SLC26A9: variants seen among roughly 807,000 people sequenced by gnomAD.
SLC26A9 encodes the protein solute carrier family 26 member 9.
In SLC26A9, 46 loss-of-function variants were observed where a neutral mutation model predicts 87.1. That is an observed-to-expected ratio of 0.53 (90% confidence interval 0.42 to 0.67). SLC26A9 has a LOEUF of 0.67. SLC26A9 is among the 30% of genes least tolerant of loss of function. The pLI is 0.00. For missense variants in SLC26A9, 927 were observed against 1,018.3 expected, an observed-to-expected ratio of 0.91 and a Z score of 1.22; for synonymous variants, 437 against 409.1, an observed-to-expected ratio of 1.07 and a Z score of -0.82.
chr1:205,913,189 T>C lies in SLC26A9; in HGVS notation c.*2168A>G, dbSNP rs1424603281. On this transcript the variant is annotated 3_prime_UTR_variant, in exon 21 of 21. Transcript: ENST00000367135. ...TTATATTATCACAGGTCAGTATCAC[T>C]AAGAACATTCAAAAGCATTGAAATT... 3 of 152,366 alleles carry C rather than the reference T, an allele frequency of 2.0e-5. No individual in the cohort carries two copies. The East Asian group carries it at 5.8e-4, about 29-fold the overall frequency. 9.4% of individuals were successfully genotyped at this position (152,366 alleles called of 1,614,324 possible). A position where few individuals can be genotyped will look rare whatever the true frequency, so the allele number is the denominator to read the frequency against.
intron 1 of SLC26A9, among the ~76,000 whole-genome samples, chr1:205,940,349 C>T (rs772626496): frequency 6.6e-6 from 1 of 152,216 alleles, no homozygotes; most frequent in East Asian, 1.9e-4. Context: ...CTGGTACCTT[C>T]TCCCAGTCAC....
In SLC26A9 at chr1:205,914,697, C is replaced by G; in HGVS notation, c.*660G>C. 1.5e-6 allele frequency: 1 copy of G among 663,728 alleles called. No homozygotes were observed. The highest frequency in any genetic ancestry group is 2.5e-6 in the Non-Finnish European group (1 of 399,348). The allele number at this position is 663,728 out of a possible 1,614,324, so 41.1% of individuals were successfully genotyped here. ...TGGTCTCGACGGTCCTGGCCACTGT[C>G]CAGGCTAGAGTCTGATGTGCTTGCT... On this transcript the variant is annotated 3_prime_UTR_variant, in exon 21 of 21. Transcript: ENST00000367135.
In SLC26A9 at chr1:205,931,923, T is replaced by C; in HGVS notation, c.489A>G (p.Ala163=). 6.2e-7 allele frequency: 1 copy of C among 1,614,228 alleles called. No individual in the cohort carries two copies. The highest frequency in any genetic ancestry group is 8.5e-7 in the Non-Finnish European group (1 of 1,180,028). ...NATNESYVDT[A]AMEAERLHVS... Reference sequence around the variant, plus strand: ...CGTGCAGCCTCTCAGCCTCCATGGCTGCTGTGTCCACATAGCTCTCATTGG... The same window carrying C: ...CGTGCAGCCTCTCAGCCTCCATGGCCGCTGTGTCCACATAGCTCTCATTGG... The change falls in exon 5 of 21, where the codon GCA becomes GCG. Residue 163 remains alanine, a synonymous_variant. Transcript: ENST00000367135.
At position 205,921,561 on chromosome 1, in the gene SLC26A9, C is replaced by G. The variant is rs372955643; in HGVS notation, c.2055+5G>C. The stretch of plus-strand genomic sequence containing the variant: ...GGTGGTGCTTGCTGTTCCCGAGGGC[C>G]TCACCTTGGCCAGGGCCTTGATGCC... On this transcript the variant is annotated splice_donor_5th_base_variant and intron_variant, in intron 17 of 20. Transcript: ENST00000367135. 5 of 1,605,052 alleles carry G rather than the reference C, an allele frequency of 3.1e-6. No homozygotes were observed. The highest frequency in any genetic ancestry group is 1.7e-6 in the Non-Finnish European group (2 of 1,178,368).
At position 205,923,420 on chromosome 1, in the gene SLC26A9, T is replaced by A. The variant is rs777424749; in HGVS notation, c.1574A>T (p.Asp525Val). ...CGTGATGATTTTAATCCCCTGGATA[T>A]CCTGGGCCTGTGACAGGGAGACTGA... ...VNPKTYNRAQ[D>V]IQGIKIITYC... Residue 525 changes from aspartate to valine, a missense_variant, in exon 15 of 21, where the codon GAT (aspartate) becomes GTT (valine). Transcript: ENST00000367135. 6.2e-7 allele frequency: 1 copy of A among 1,614,206 alleles called. No individual in the cohort carries two copies. Among genetic ancestry groups the A allele is most frequent in the Non-Finnish European group, 8.5e-7 (1 of 1,180,036 alleles).
chr1:205,929,029 G>T (rs1327170175), intron 7 of SLC26A9, 120 bp from the exon 8 acceptor site: 1 of 1,452,572 alleles, frequency 6.9e-7, no homozygotes, highest in Admixed American at 1.8e-5. Flanking sequence ...TCCTTAGGGG[G>T]AATTATTAGA....
chr1:205,940,038 G>C (rs183659929), intron 1 of SLC26A9, among the ~76,000 whole-genome samples: 3 of 152,286 alleles, frequency 2.0e-5, no homozygotes, highest in Admixed American at 2.0e-4. Context: ...TGCAGGGAAG[G>C]GGGGCAGGTC....
At position 205,926,717 on chromosome 1, in the gene SLC26A9, G is replaced by T; in HGVS notation, c.1294-87C>A. The T allele has an allele frequency of 2.9e-6, 3 of 1,052,546 alleles. No homozygotes were observed. The South Asian group carries it at 3.9e-5, about 14-fold the overall frequency. The allele number at this position is 1,052,546 out of a possible 1,614,324, so 65.2% of individuals were successfully genotyped here. ...CATACCCGACCCCAAGGCCTGGCAG[G>T]ACAGAGACGGAGTTCTGGAACACCT... On this transcript the variant is annotated intron_variant, in intron 11 of 20. Transcript: ENST00000367135.
rs1160101589 is a variant in SLC26A9 at position 205,929,270 on chromosome 1, C to G, written c.804G>C (p.Leu268=). ...FALISGAFLV[L]VKELNARYMH... ...TGTAGCGAGCATTGAGCTCCTTCAC[C>G]AGCACCAGGAAGGCACCGCTGATGA... The change falls in exon 7 of 21, where the codon CTG becomes CTC. Residue 268 remains leucine (L), a synonymous_variant. Coordinates refer to ENST00000367135, the MANE Select transcript of SLC26A9 (RefSeq NM_052934.4). The G allele has an allele frequency of 6.2e-7, 1 of 1,614,098 alleles. No homozygotes were observed.
intron 5 of SLC26A9, 35 bp downstream of exon 5, chr1:205,931,825 T>C (rs1659318585): frequency 6.3e-7 from 1 of 1,594,298 alleles, no homozygotes; most frequent in African/African-American, 1.3e-5. Context: ...GGTGGTCTGA[T>C]GCCCTTCTAG....
chr1:205,923,510 C>A, intron 14 of SLC26A9, 34 bp downstream of exon 14: 1 of 1,614,046 alleles, frequency 6.2e-7, no homozygotes, highest in South Asian at 1.1e-5. Flanking sequence ...TGGTGCAGAG[C>A]AAAAGAAGGA....
chr1:205,941,466 C>T (rs1659741416), intron 1 of SLC26A9, among the ~76,000 whole-genome samples: 1 of 152,172 alleles, frequency 6.6e-6, no homozygotes, highest in Admixed American at 6.5e-5. Context: ...CCACTGCGCC[C>T]AGCCCCCCAA....
At position 205,918,811 on chromosome 1, in the gene SLC26A9, C is replaced by G. The variant is rs780779241; in HGVS notation, c.2256+29G>C. The G allele has an allele frequency of 3.1e-6, 5 of 1,599,902 alleles. No individual in the cohort carries two copies. The South Asian group carries it at 5.5e-5, about 18-fold the overall frequency. On this transcript the variant is annotated intron_variant, in intron 19 of 20. Coordinates refer to ENST00000367135, the MANE Select transcript of SLC26A9 (RefSeq NM_052934.4). ...TCCTGCTATTTCAGTGCCTTGGAGC[C>G]TAGGATTCCCCAGGTGCAAGAACCT...
rs749723128 is a variant in SLC26A9 at position 205,921,656 on chromosome 1, G to A, written c.1965C>T (p.Ser655=). The change falls in exon 17 of 21, where the codon AGC becomes AGT. Residue 655 remains serine, a synonymous_variant. Coordinates refer to ENST00000367135, the MANE Select transcript of SLC26A9 (RefSeq NM_052934.4). ...TGTGGAAGGTGACGAAGGGTGGGAC[G>A]CTGGCCAGCATGTCACTGGGCTCGC... ...APGEPSDMLA[S]VPPFVTFHTL... is the part of the protein sequence containing the mutation. 36 of 1,605,760 alleles carry A rather than the reference G, an allele frequency of 2.2e-5. 1 individual carries two copies. In the South Asian group the frequency reaches 3.3e-4, roughly 15 times the overall value.
At chr1:205,919,072 G>A (rs966912396) in intron 18 of SLC26A9, 87 bp from the exon 19 acceptor site, 7 of 1,535,704 alleles carry the variant, frequency 4.6e-6, no homozygotes, top group Non-Finnish European at 6.2e-6. Flanking sequence ...ACCAGAGCAG[G>A]GATGGGAGAG....
rs1042914250 is a variant in SLC26A9 at position 205,937,355 on chromosome 1, G to A, written c.-18-1517C>T. Among the ~76,000 whole-genome samples, 3 of 152,174 alleles carry A rather than the reference G, an allele frequency of 2.0e-5. No individual in the cohort carries two copies. In the South Asian group the frequency reaches 6.2e-4, roughly 31 times the overall value. On this transcript the variant is annotated intron_variant, in intron 1 of 20. Coordinates refer to ENST00000367135, the MANE Select transcript of SLC26A9 (RefSeq NM_052934.4). ...CTTGTTGAGCGAATTGATAAATGGTGTTTTGGAGGAGACATGGGCAGAAAT... is the reference window on the plus strand; with the variant it reads ...CTTGTTGAGCGAATTGATAAATGGTATTTTGGAGGAGACATGGGCAGAAAT...
In SLC26A9 at chr1:205,918,879, T is replaced by C. The variant is rs535977682; in HGVS notation, c.2217A>G (p.Ala739=). Residue 739 remains alanine (A), a synonymous_variant, in exon 19 of 21, where the codon GCA becomes GCG. Transcript: ENST00000367135. ...SIHDAVLFAQ[A]NARDVTPGHN... ...GTCCTGGGGTCACGTCTCTAGCATT[T>C]GCCTGGGCAAAGAGGACTGCGTCAT... 3 of 1,614,206 alleles carry C rather than the reference T, an allele frequency of 1.9e-6. No homozygotes were observed. Among genetic ancestry groups the C allele is most frequent in the Non-Finnish European group, 2.5e-6 (3 of 1,180,010 alleles).
At chr1:205,931,419 C>A (rs961845070) in intron 5 of SLC26A9, among the ~76,000 whole-genome samples, 1 of 147,054 alleles carries the variant, frequency 6.8e-6, no homozygotes, top group African/African-American at 2.5e-5. Flanking sequence ...TCAAGGTTCA[C>A]TTTAGCCCTG....
chr1:205,917,151 C>A (rs1658627694), intron 20 of SLC26A9, 132 bp downstream of exon 20: 1 of 674,218 alleles, frequency 1.5e-6, no homozygotes, highest in Non-Finnish European at 2.5e-6. Context: ...GACCACAAAT[C>A]TTTGTGGCCT....
Sources: gnomAD v4.1 joint callset for allele counts (sites outside exome capture counted in the v4.1 genomes callset) on GRCh38, gnomAD v4.1.1 for gene constraint, MANE v1.5 for transcripts, NCBI Gene and HGNC (gene_info 2026-07-23, HGNC 2026-07-21) for gene names.